The following POF1B variants were observed in gnomAD, a reference collection of about 807,000 sequenced individuals.
POF1B encodes POF1B actin binding protein, also known as protein POF1B.
Under a neutral mutation model 55.3 loss-of-function variants are expected in POF1B, and 53 were observed. The observed-to-expected ratio is 0.96, with a 90% CI of 0.77 to 1.20. The LOEUF (loss-of-function observed/expected upper bound fraction) is 1.20. POF1B is among the 50% of genes most tolerant of loss of function. The pLI is 0.00. For synonymous variants in POF1B, 188 were observed against 148.3 expected, an observed-to-expected ratio of 1.27 and a Z score of -1.95; for missense variants, 478 against 420.5, an observed-to-expected ratio of 1.14 and a Z score of -1.20.
rs767155803 is a variant in POF1B, at chrX:85,308,208, AC to A, written c.965del (p.Gly322ValfsTer9). 20 of 1,144,304 alleles carry A rather than the reference AC, an allele frequency of 1.7e-5. No homozygotes were observed. Among genetic ancestry groups the A allele is most frequent in the Non-Finnish European group, 2.2e-5 (19 of 852,355 alleles). 94.3% of individuals were successfully genotyped at this position (1,144,304 alleles called of 1,213,427 possible). The part of the protein sequence containing the change: ...QQIRYILQMR[G>X]MSDKSLRLVL... Reference sequence around the variant, plus strand: ...CTAGTCGGAGTGACTTATCAGACATACCCCTCATCTGCAGGAAGAAAGGATT... The same window carrying A: ...CTAGTCGGAGTGACTTATCAGACATACCCTCATCTGCAGGAAGAAAGGATT... On this transcript the variant is annotated frameshift_variant, in exon 10 of 17. Transcript: ENST00000262753. LOFTEE classifies it high-confidence loss of function.
chrX:85,284,685 C>G (rs1367023115), intron 15 of POF1B, among the ~76,000 whole-genome samples: 1 of 111,694 alleles, frequency 9.0e-6, no homozygotes, highest in Admixed American at 9.5e-5. Context: ...AAATGTTAGA[C>G]CTAAAACCAT....
At chrX:85,296,587 G>A (rs1932315563) in intron 15 of POF1B, among the ~76,000 whole-genome samples, 1 of 111,987 alleles carries the variant, frequency 8.9e-6, no homozygotes, top group African/African-American at 3.2e-5. Flanking sequence ...TGGCTTGTAA[G>A]TTTTCTGACT....
intron 15 of POF1B, among the ~76,000 whole-genome samples, chrX:85,283,708 C>T (rs777701534): frequency 1.0e-3 from 111 of 109,058 alleles, no homozygotes; most frequent in African/African-American, 3.6e-3. Context: ...GCTCAGTGAA[C>T]GTGAAAAAAA....
At position 85,379,172 on chromosome X, in the gene POF1B, C is replaced by T. The variant is rs1213774064; in HGVS notation, c.282+1G>A. The T allele has an allele frequency of 5.8e-6, 7 of 1,207,128 alleles. No homozygotes were observed. Among genetic ancestry groups the T allele is most frequent in the Admixed American group, 2.2e-5 (1 of 45,600 alleles). On this transcript the variant is annotated splice_donor_variant, in intron 2 of 16. Coordinates refer to ENST00000262753, the MANE Select transcript of POF1B (RefSeq NM_024921.4). LOFTEE classifies it high-confidence loss of function. ...GTCTGGCATAGCTTTCTTTGTTGTA[C>T]CTGAGAATGGTCGCTCCAAACCAAA...
rs757663092 is a variant in POF1B, at chrX:85,328,172, A to T, written c.854+2777T>A. Among the ~76,000 whole-genome samples, 14 of 69,151 alleles carry T rather than the reference A, an allele frequency of 2.0e-4. No individual in the cohort carries two copies. In the South Asian group the frequency reaches 3.5e-3, roughly 17 times the overall value. The allele number at this position is 69,151 out of a possible 115,157, so 60.0% of individuals were successfully genotyped here. A position where few individuals can be genotyped will look rare whatever the true frequency, so the allele number is the denominator to read the frequency against. On this transcript the variant is annotated intron_variant, in intron 7 of 16. Transcript: ENST00000262753. ...ACTCCCTGTATACAATATCTTTTTT[A>T]TTTATTTATTTATTTATTTATTTAT...
intron 6 of POF1B, among the ~76,000 whole-genome samples, chrX:85,341,685 A>G (rs1933176084): frequency 9.0e-6 from 1 of 110,806 alleles, no homozygotes; most frequent in African/African-American, 3.3e-5. Context: ...CCACCTGTTA[A>G]TGAGCGAGGG....
intron 2 of POF1B, among the ~76,000 whole-genome samples, chrX:85,378,343 C>A (rs923537280): frequency 7.2e-5 from 8 of 111,483 alleles, no homozygotes; most frequent in African/African-American, 2.6e-4. Context: ...TTAAAACATG[C>A]AAATTTAATG....
chrX:85,322,809 G>T (rs925351134), intron 7 of POF1B, among the ~76,000 whole-genome samples: 1 of 111,930 alleles, frequency 8.9e-6, no homozygotes, highest in Non-Finnish European at 1.9e-5. Flanking sequence ...CTTCTCAAAA[G>T]AAGACACTTA....
chrX:85,289,629 G>A (rs1932136949), intron 15 of POF1B, among the ~76,000 whole-genome samples: 1 of 111,181 alleles, frequency 9.0e-6, no homozygotes, highest in South Asian at 3.7e-4. Context: ...TCAGTCAGAA[G>A]GGAAAAAACA....
intron 16 of POF1B, among the ~76,000 whole-genome samples, chrX:85,280,866 T>C (rs1268680592): frequency 9.0e-6 from 1 of 110,733 alleles, no homozygotes; most frequent in Non-Finnish European, 1.9e-5. Context: ...TTAGCAGAGT[T>C]TTTCAACCTC....
In POF1B at chrX:85,306,172, T is replaced by C. The variant is rs1932568789; in HGVS notation, c.1317+9A>G. 1 of 1,185,193 alleles carries C rather than the reference T, an allele frequency of 8.4e-7. No homozygotes were observed. Among genetic ancestry groups the C allele is most frequent in the African/African-American group, 1.8e-5 (1 of 56,418 alleles). On this transcript the variant is annotated intron_variant, in intron 12 of 16. Coordinates refer to ENST00000262753, the MANE Select transcript of POF1B (RefSeq NM_024921.4). ...GTAATACTGTATATTTAAAAGGAAG[T>C]TTTAATACCTGCATTCTAAGGTTTT...
chrX:85,291,459 A>G (rs1018275383), intron 15 of POF1B, among the ~76,000 whole-genome samples: 14 of 111,925 alleles, frequency 1.3e-4, no homozygotes, highest in African/African-American at 4.2e-4. Context: ...GTTTTTCTGT[A>G]GTTCTGTGAA....
chrX:85,291,069 G>A (rs1343498971), intron 15 of POF1B, among the ~76,000 whole-genome samples: 1 of 111,977 alleles, frequency 8.9e-6, no homozygotes, highest in Non-Finnish European at 1.9e-5. Flanking sequence ...TACTTTTGGA[G>A]TTTACATTTA....
chrX:85,374,951 T>C (rs1057023277), intron 2 of POF1B, among the ~76,000 whole-genome samples: 2 of 112,036 alleles, frequency 1.8e-5, no homozygotes, highest in Non-Finnish European at 3.8e-5. Context: ...AAAATCTGTG[T>C]TTCTGTTGTC....
At chrX:85,351,757 G>A (rs1933394523) in intron 4 of POF1B, among the ~76,000 whole-genome samples, 1 of 110,961 alleles carries the variant, frequency 9.0e-6, no homozygotes, top group Middle Eastern at 4.2e-3. Context: ...GATATGATGA[G>A]TTTCCTTTGA....
intron 6 of POF1B, among the ~76,000 whole-genome samples, chrX:85,341,507 T>C (rs1933171662): frequency 9.0e-6 from 1 of 110,628 alleles, no homozygotes; most frequent in African/African-American, 3.3e-5. Flanking sequence ...TAGTAAGAGG[T>C]TGCAGAGGTT....
intron 2 of POF1B, among the ~76,000 whole-genome samples, chrX:85,375,874 G>T (rs1405644352): frequency 8.9e-6 from 1 of 111,815 alleles, no homozygotes; most frequent in East Asian, 2.8e-4. Context: ...CAAAAGAATG[G>T]CAACCCTTAT....
At chrX:85,347,670 A>AAT (rs1291608358) in intron 5 of POF1B, among the ~76,000 whole-genome samples, 1 of 111,182 alleles carries the variant, frequency 9.0e-6, no homozygotes, top group South Asian at 3.7e-4. Flanking sequence ...TGAAAAATGA[A>AAT]ATATATATAA....
chrX:85,360,568 C>CATACACT (rs1555988353), intron 3 of POF1B, among the ~76,000 whole-genome samples: 20 of 81,541 alleles, frequency 2.5e-4, no homozygotes, highest in African/African-American at 1.2e-3. Flanking sequence ...TACATATATA[C>CATACACT]ACATTTTCTT....
Sources: allele counts gnomAD v4.1 joint callset (sites outside exome capture counted in the v4.1 genomes callset), GRCh38; gene constraint gnomAD v4.1.1; transcripts MANE v1.5; gene names NCBI Gene and HGNC (gene_info 2026-07-23, HGNC 2026-07-21).